Variants in PMVK observed in about 807,000 individuals in gnomAD.
PMVK encodes phosphomevalonate kinase.
A neutral mutation model predicts 19.0 loss-of-function variants in PMVK; 10 were observed. The observed-to-expected ratio is 0.53, with a 90% CI of 0.32 to 0.89. The LOEUF (loss-of-function observed/expected upper bound fraction) is 0.89, where lower values mean the gene tolerates loss of function less well. Ranked by LOEUF, PMVK falls within the 40% of genes least tolerant of loss-of-function variation. The pLI, the probability that PMVK is intolerant of heterozygous loss-of-function variation, is 0.03. For missense variants in PMVK, 222 were observed against 251.1 expected (o/e 0.88, Z 0.78); for synonymous variants, 108 against 101.6 (o/e 1.06, Z -0.38).
upstream of PMVK, among the ~76,000 whole-genome samples, chr1:154,939,662 G>A (rs1393638367): frequency 3.4e-5 from 5 of 147,080 alleles, no homozygotes; most frequent in East Asian, 2.0e-4. Flanking sequence ...CAGAGATCAC[G>A]CCACTGCACT....
chr1:154,932,749 T>G (rs1463648375), intron 1 of PMVK, among the ~76,000 whole-genome samples: 1 of 152,198 alleles, frequency 6.6e-6, no homozygotes, highest in Non-Finnish European at 1.5e-5. Flanking sequence ...CTAAACTAAT[T>G]CTCTCATAGC....
intron 2 of PMVK, among the ~76,000 whole-genome samples, chr1:154,931,420 AT>A (rs896777136): frequency 3.3e-5 from 5 of 151,864 alleles, no homozygotes; most frequent in Non-Finnish European, 5.9e-5. Flanking sequence ...CTGTTGACTT[AT>A]TTTTTTTATT....
intron 3 of PMVK, 91 bp from the exon 4 acceptor site, chr1:154,926,574 G>A (rs1392563257): frequency 2.6e-6 from 3 of 1,149,194 alleles, no homozygotes; most frequent in East Asian, 2.4e-5. Flanking sequence ...GCAGTGTGGG[G>A]TGTGGCTCTA....
chr1:154,932,276 T>C, intron 2 of PMVK, 76 bp downstream of exon 2: 12 of 1,050,960 alleles, frequency 1.1e-5, no homozygotes, highest in Non-Finnish European at 1.8e-5. Flanking sequence ...TGCCAGTGAC[T>C]CAGGCAGCAG....
intron 2 of PMVK, among the ~76,000 whole-genome samples, chr1:154,931,711 C>T (rs1244769492): frequency 2.7e-5 from 4 of 149,526 alleles, no homozygotes; most frequent in Non-Finnish European, 4.4e-5. Context: ...CAAAGTGCCT[C>T]TTCAGTTTTA....
chr1:154,934,258 C>A (rs1024424943), intron 1 of PMVK, among the ~76,000 whole-genome samples: 9 of 152,228 alleles, frequency 5.9e-5, no homozygotes, highest in Admixed American at 2.0e-4. Context: ...CTCGGCCTCT[C>A]AAAGTGCTAG....
In PMVK at chr1:154,929,167, A is replaced by C; in HGVS notation, c.169T>G (p.Leu57Val). The change falls in exon 3 of 5, where the codon TTG (leucine) becomes GTG (valine). Residue 57 changes from leucine to valine, a missense_variant. Coordinates refer to ENST00000368467, the MANE Select transcript of PMVK (RefSeq NM_006556.4). The part of the protein sequence containing the change: ...LKEQYAQEHG[L>V]NFQRLLDTST... ...GTGTCCAGGAGTCTCTGGAAGTTCA[A>C]GCCATGCTCCTGCCCAAAGGACATT... is the stretch of plus-strand genomic sequence containing the variant. 6.2e-7 allele frequency: 1 copy of C among 1,614,080 alleles called. No individual in the cohort carries two copies. The highest frequency in any genetic ancestry group is 8.5e-7 in the Non-Finnish European group (1 of 1,179,974).
chr1:154,926,617 G>T, intron 3 of PMVK, 134 bp from the exon 4 acceptor site: 2 of 672,026 alleles, frequency 3.0e-6, no homozygotes, highest in Non-Finnish European at 2.5e-6. Flanking sequence ...TCAGCAGCTA[G>T]ACTCACTATT....
At position 154,925,100 on chromosome 1, in the gene PMVK, G is replaced by T; in HGVS notation, c.*29C>A. ...AGTCAGCCCCACCCCCACCTCAGCA[G>T]GCCCCAGCTCACTCCTAGAACCTAG... On this transcript the variant is annotated 3_prime_UTR_variant, in exon 5 of 5. Transcript: ENST00000368467. 9.6e-7 allele frequency: 1 copy of T among 1,037,036 alleles called. No individual in the cohort carries two copies. The highest frequency in any genetic ancestry group is 1.3e-6 in the Non-Finnish European group (1 of 743,712). The allele number at this position is 1,037,036 out of a possible 1,614,324, so 64.2% of individuals were successfully genotyped here. A position where few individuals can be genotyped will look rare whatever the true frequency, so the allele number is the denominator to read the frequency against.
intron 4 of PMVK, among the ~76,000 whole-genome samples, 161 bp from the exon 5 acceptor site, chr1:154,925,426 C>T (rs1654119034): frequency 6.6e-6 from 1 of 152,200 alleles, no homozygotes; most frequent in South Asian, 2.1e-4. Flanking sequence ...CCCTGAAACA[C>T]TGTGATGGCA....
intron 2 of PMVK, 90 bp from the exon 3 acceptor site, chr1:154,929,266 C>T: frequency 8.1e-7 from 1 of 1,234,276 alleles, no homozygotes; most frequent in Non-Finnish European, 1.2e-6. Context: ...TCACCCTCAC[C>T]TGCCTCCCCC....
chr1:154,938,458 C>T (rs562600981), upstream of PMVK, among the ~76,000 whole-genome samples: 12 of 152,286 alleles, frequency 7.9e-5, no homozygotes, highest in South Asian at 4.1e-4. Context: ...GATAGCTGGA[C>T]GTGGTGGCGG....
At chr1:154,932,606 C>T (rs141917630) in intron 1 of PMVK, among the ~76,000 whole-genome samples, 191 bp from the exon 2 acceptor site, 1 of 152,320 alleles carries the variant, frequency 6.6e-6, no homozygotes, top group Non-Finnish European at 1.5e-5. Flanking sequence ...TGTTCTGTCT[C>T]CCACACAGGA....
upstream of PMVK, among the ~76,000 whole-genome samples, chr1:154,939,277 A>C (rs916457058): frequency 6.6e-6 from 1 of 151,986 alleles, no homozygotes; most frequent in Non-Finnish European, 1.5e-5. Context: ...CCAACCCTCC[A>C]AGGTCACTTG....
At chr1:154,936,146 A>G (rs563038443) in intron 1 of PMVK, among the ~76,000 whole-genome samples, 1 of 152,210 alleles carries the variant, frequency 6.6e-6, no homozygotes, top group African/African-American at 2.4e-5. Flanking sequence ...GCAGTGGCCA[A>G]TCTCGCCTCA....
intron 1 of PMVK, 34 bp from the exon 2 acceptor site, chr1:154,932,449 T>A: frequency 6.5e-7 from 1 of 1,527,368 alleles, no homozygotes; most frequent in Non-Finnish European, 8.9e-7. Flanking sequence ...CCAGTTAGCC[T>A]AGAATTTCCA....
chr1:154,928,451 G>T (rs1393310067), intron 3 of PMVK, among the ~76,000 whole-genome samples: 3 of 152,170 alleles, frequency 2.0e-5, no homozygotes, highest in Admixed American at 2.0e-4. Context: ...AAACAGAAGA[G>T]TGACATCACC....
In PMVK at chr1:154,925,041, T is replaced by A; in HGVS notation, c.*88A>T. 5.8e-6 allele frequency: 5 copies of A among 864,196 alleles called. No homozygotes were observed. Among genetic ancestry groups the A allele is most frequent in the Admixed American group, 2.6e-5 (1 of 38,898 alleles). The allele number at this position is 864,196 out of a possible 1,614,324, so 53.5% of individuals were successfully genotyped here. A position where few individuals can be genotyped will look rare whatever the true frequency, so the allele number is the denominator to read the frequency against. The stretch of plus-strand genomic sequence containing the variant: ...AGACCCCCCCTGTCTGTTCCTCACC[T>A]CGGCCAGGATCGGGGGACACCCCCA... On this transcript the variant is annotated 3_prime_UTR_variant, in exon 5 of 5. Transcript: ENST00000368467.
At chr1:154,936,412 G>T in intron 1 of PMVK, 179 bp downstream of exon 1, 1 of 985,392 alleles carries the variant, frequency 1.0e-6, no homozygotes, top group Non-Finnish European at 1.2e-6. Context: ...TTTGAGGCTC[G>T]CCTGTGTAGA....
Sources: gnomAD v4.1 joint callset for allele counts (sites outside exome capture counted in the v4.1 genomes callset) on GRCh38, gnomAD v4.1.1 for gene constraint, MANE v1.5 for transcripts, NCBI Gene and HGNC (gene_info 2026-07-23, HGNC 2026-07-21) for gene names.